The following NFIB variants were observed in gnomAD, a reference collection of about 807,000 sequenced individuals.
NFIB encodes the protein nuclear factor 1 B-type.
Under a neutral mutation model 61.5 loss-of-function variants are expected in NFIB, and 11 were observed. That is an observed-to-expected ratio of 0.18 (90% CI 0.11 to 0.30). The LOEUF is 0.30. Among genes scored for constraint, NFIB ranks in the 10% least tolerant of loss-of-function variants. The pLI, the probability that NFIB is intolerant of heterozygous loss-of-function variation, is 1.00. For synonymous variants in NFIB, 260 were observed against 216.5 expected, an observed-to-expected ratio of 1.20 and a Z score of -1.76; for missense variants, 471 against 608.9, an observed-to-expected ratio of 0.77 and a Z score of 2.38.
At position 14,088,343 on chromosome 9, in the gene NFIB, G is replaced by T; in HGVS notation, c.1468-17C>A. The T allele has an allele frequency of 6.7e-7, 1 of 1,501,398 alleles. No individual in the cohort carries two copies. Among genetic ancestry groups the T allele is most frequent in the South Asian group, 1.4e-5 (1 of 71,646 alleles). The allele number at this position is 1,501,398 out of a possible 1,614,324, so 93.0% of individuals were successfully genotyped here. On this transcript the variant is annotated splice_polypyrimidine_tract_variant and intron_variant, in intron 10 of 10. Transcript: ENST00000380953. Reference sequence around the variant, plus strand: ...GTACCAGGACTGTTGAGAGGAGAGAGGCAGCAGGGAGGGAAGAAAAAAGAA... The same window carrying T: ...GTACCAGGACTGTTGAGAGGAGAGATGCAGCAGGGAGGGAAGAAAAAAGAA...
At chr9:14,125,574 G>C in intron 7 of NFIB, 58 bp downstream of exon 7, 1 of 1,597,870 alleles carries the variant, frequency 6.3e-7, no homozygotes, top group Non-Finnish European at 8.5e-7. Context: ...CCGTCCCTAA[G>C]GGGGTTAGGC....
chr9:14,514,379 G>A, the NFIB span, among the ~76,000 whole-genome samples: 24 of 150,600 alleles, frequency 1.6e-4, no homozygotes, highest in African/African-American at 5.4e-4. Context: ...ATGCACACCC[G>A]CTTGGCTCTT....
the NFIB span, among the ~76,000 whole-genome samples, chr9:14,418,617 G>C: frequency 6.6e-6 from 1 of 152,112 alleles, no homozygotes; most frequent in South Asian, 2.1e-4. Flanking sequence ...CTACATACTG[G>C]ACTTGAATTT....
chr9:14,429,491 T>A, the NFIB span, among the ~76,000 whole-genome samples: 4 of 152,300 alleles, frequency 2.6e-5, no homozygotes, highest in African/African-American at 9.6e-5. Context: ...TCTTCAGCTT[T>A]TAAGGGTGAT....
the NFIB span, among the ~76,000 whole-genome samples, chr9:14,444,347 A>G: frequency 1.3e-3 from 194 of 152,344 alleles, 1 homozygote; most frequent in African/African-American, 4.4e-3. Flanking sequence ...CAAACCAGAT[A>G]TAGAGTTTTA....
rs534204694 is a variant in NFIB, at chr9:14,313,547, C to T, written c.-36G>A. ...TAAAACGCACTTTCCGGGAGATGCC[C>T]AAGAAAATCTTCGAGAAGCAAGAAT... is the stretch of plus-strand genomic sequence containing the variant. On this transcript the variant is annotated 5_prime_UTR_variant, in exon 1 of 11. Coordinates refer to ENST00000380953, the MANE Select transcript of NFIB (RefSeq NM_001190737.2). The surrounding 1 kb of genome is among the most constrained non-coding windows in gnomAD (Gnocchi z 4.5). 2 of 1,613,034 alleles carry T rather than the reference C, an allele frequency of 1.2e-6. No homozygotes were observed. The highest frequency in any genetic ancestry group is 1.7e-6 in the Non-Finnish European group (2 of 1,179,540).
the NFIB span, among the ~76,000 whole-genome samples, chr9:14,425,146 G>A: frequency 3.9e-5 from 6 of 152,142 alleles, no homozygotes; most frequent in South Asian, 4.1e-4. Context: ...TCTCTATGGC[G>A]TGGCTGACAC....
the NFIB span, among the ~76,000 whole-genome samples, chr9:14,528,258 C>T: frequency 1.3e-5 from 2 of 152,124 alleles, no homozygotes; most frequent in Admixed American, 6.5e-5. Flanking sequence ...AACAGCCTAG[C>T]AAACAATTGA....
At chr9:14,114,917 T>C (rs2037898062) in intron 9 of NFIB, among the ~76,000 whole-genome samples, 1 of 152,212 alleles carries the variant, frequency 6.6e-6, no homozygotes, top group African/African-American at 2.4e-5. Context: ...TTAAAATGAG[T>C]ACTTAGTGTT....
At chr9:14,442,555 G>A in the NFIB span, among the ~76,000 whole-genome samples, 1 of 152,222 alleles carries the variant, frequency 6.6e-6, no homozygotes, top group South Asian at 2.1e-4. Flanking sequence ...TTCCTTCTGA[G>A]GGCTGGGAGG....
the NFIB span, among the ~76,000 whole-genome samples, chr9:14,529,183 G>T: frequency 6.6e-6 from 1 of 152,138 alleles, no homozygotes; most frequent in Non-Finnish European, 1.5e-5. Flanking sequence ...GCCTGTCTAG[G>T]AAGGAAAACA....
chr9:14,527,428 C>A, the NFIB span, among the ~76,000 whole-genome samples: 7 of 152,210 alleles, frequency 4.6e-5, no homozygotes, highest in South Asian at 8.3e-4. Flanking sequence ...AGAAAGGATA[C>A]TGAAAAGATG....
intron 2 of NFIB, among the ~76,000 whole-genome samples, chr9:14,186,400 T>C (rs1271485544): frequency 6.6e-6 from 1 of 152,120 alleles, no homozygotes; most frequent in African/African-American, 2.4e-5. Flanking sequence ...CTCAGAACAG[T>C]CTCTTTCTTT....
chr9:14,202,069 C>A (rs570460688), intron 2 of NFIB, among the ~76,000 whole-genome samples: 29 of 151,198 alleles, frequency 1.9e-4, no homozygotes, highest in African/African-American at 6.5e-4. Flanking sequence ...GCTCTCTATA[C>A]AATTTACAAA....
chr9:14,395,353 C>T (rs1462482067), intron 1 of NFIB, among the ~76,000 whole-genome samples: 1 of 149,020 alleles, frequency 6.7e-6, no homozygotes, highest in African/African-American at 2.5e-5. Flanking sequence ...GATGCAACAT[C>T]TTAAGGAAGA....
chr9:14,120,660 G>T lies in NFIB; in HGVS notation c.1061-36C>A. The T allele has an allele frequency of 6.5e-7, 1 of 1,546,276 alleles. No individual in the cohort carries two copies. Among genetic ancestry groups the T allele is most frequent in the South Asian group, 1.3e-5 (1 of 78,646 alleles). ...CAGAAAAGGAAAGATTGACTCATCA[G>T]CTGGTTACCTTATTGCTCCATTCTG... On this transcript the variant is annotated intron_variant, in intron 7 of 10. Transcript: ENST00000380953. The surrounding 1 kb of genome is among the most constrained non-coding windows in gnomAD (Gnocchi z 4.4).
intron 1 of NFIB, among the ~76,000 whole-genome samples, chr9:14,372,608 C>T (rs1564037969): frequency 6.6e-6 from 1 of 152,076 alleles, no homozygotes; most frequent in Non-Finnish European, 1.5e-5. Context: ...GGAGTTGTTC[C>T]AGACACTGAC....
chr9:14,483,775 C>T, the NFIB span, among the ~76,000 whole-genome samples: 123 of 152,324 alleles, frequency 8.1e-4, no homozygotes, highest in Middle Eastern at 6.8e-3. Context: ...CAATAATGCA[C>T]AGGTGCACTT....
At chr9:14,247,896 G>GTGT (rs1342149796) in intron 2 of NFIB, among the ~76,000 whole-genome samples, 1 of 150,824 alleles carries the variant, frequency 6.6e-6, no homozygotes, top group Non-Finnish European at 1.5e-5. Flanking sequence ...GTTTGTTTAG[G>GTGT]TGTTGTCTAC....
Sources: allele counts gnomAD v4.1 joint callset (sites outside exome capture counted in the v4.1 genomes callset), GRCh38; gene constraint gnomAD v4.1.1; non-coding constraint Gnocchi (gnomAD v3.1); transcripts MANE v1.5; gene names NCBI Gene and HGNC (gene_info 2026-07-23, HGNC 2026-07-21).